Variants in GNG2 observed in about 807,000 individuals in gnomAD.
The protein encoded by GNG2 is G protein subunit gamma 2.
GNG2 carries 5 observed loss-of-function variants against 5.5 expected under a neutral mutation model. The ratio of observed to expected loss-of-function variants is 0.91; its 90% confidence interval spans 0.48 to 1.92. The LOEUF is 1.92. Among genes scored for constraint, GNG2 ranks in the 30% most tolerant of loss-of-function variants. The pLI, the probability that GNG2 is intolerant of heterozygous loss-of-function variation, is 0.01. For synonymous variants in GNG2, 28 were observed against 32.0 expected (o/e 0.88, Z 0.42); for missense variants, 55 against 88.4 (o/e 0.62, Z 1.52).
At chr14:51,866,775 G>A (rs893694980) in intron 1 of GNG2, among the ~76,000 whole-genome samples, 5 of 152,154 alleles carry the variant, frequency 3.3e-5, no homozygotes, top group Non-Finnish European at 5.9e-5. Flanking sequence ...CTCCAAAGGT[G>A]GCCTCATGTC....
At chr14:51,879,698 A>G (rs1883914765) in intron 2 of GNG2, among the ~76,000 whole-genome samples, 4 of 152,190 alleles carry the variant, frequency 2.6e-5, no homozygotes, top group Admixed American at 2.6e-4. Flanking sequence ...TCTTTCTACC[A>G]TAGTCCCATC....
At chr14:51,896,216 G>C (rs1190145267) in intron 2 of GNG2, among the ~76,000 whole-genome samples, 28 of 152,184 alleles carry the variant, frequency 1.8e-4, no homozygotes, top group Admixed American at 1.8e-3. Context: ...ACCCGTTGCA[G>C]AATAAAATTG....
chr14:51,916,334 T>C (rs1021902666), intron 2 of GNG2: 19 of 364,950 alleles, frequency 5.2e-5, no homozygotes, highest in African/African-American at 3.9e-4. Flanking sequence ...ATTTGCCCCG[T>C]AGAGATAAAT....
chr14:51,911,158 C>T (rs761902698), intron 2 of GNG2, among the ~76,000 whole-genome samples: 4 of 152,128 alleles, frequency 2.6e-5, no homozygotes, highest in African/African-American at 7.2e-5. Context: ...TACCATTGGT[C>T]GGCTTTGGCA....
At chr14:51,855,444 T>A (rs1882112563), upstream of GNG2, among the ~76,000 whole-genome samples, 1 of 152,242 alleles carries the variant, frequency 6.6e-6, no homozygotes, top group Admixed American at 6.5e-5. Flanking sequence ...CTCAGATGTC[T>A]GGAGGGAGAG....
At chr14:51,922,967 G>T (rs1171198944) in intron 2 of GNG2, among the ~76,000 whole-genome samples, 1 of 152,182 alleles carries the variant, frequency 6.6e-6, no homozygotes, top group Non-Finnish European at 1.5e-5. Context: ...GCAGCCCCAG[G>T]AGCTCTGTCT....
chr14:51,837,692 C>A (rs1044635178), intron 2 of GNG2, among the ~76,000 whole-genome samples: 3 of 150,302 alleles, frequency 2.0e-5, no homozygotes, highest in African/African-American at 7.3e-5. Flanking sequence ...AAAGGGAGCA[C>A]AAGTCAAAGG....
intron 1 of GNG2, among the ~76,000 whole-genome samples, chr14:51,872,507 G>A (rs1883375146): frequency 6.6e-6 from 1 of 152,164 alleles, no homozygotes; most frequent in African/African-American, 2.4e-5. Context: ...GGAGTCCACT[G>A]TGATGCCGAT....
chr14:51,902,041 A>G (rs919837588), intron 2 of GNG2, among the ~76,000 whole-genome samples: 6 of 151,432 alleles, frequency 4.0e-5, no homozygotes, highest in Non-Finnish European at 8.8e-5. Flanking sequence ...TATTTTCTCC[A>G]TAATGTAGCA....
chr14:51,913,757 T>G (rs574434366), intron 2 of GNG2, among the ~76,000 whole-genome samples: 1 of 152,144 alleles, frequency 6.6e-6, no homozygotes, highest in Non-Finnish European at 1.5e-5. Context: ...AAACTAGAAG[T>G]TACTGTGGGA....
At chr14:51,949,892 T>C (rs8009405) in intron 2 of GNG2, among the ~76,000 whole-genome samples, 55,607 of 151,858 alleles carry the variant, frequency 0.37, 10,439 homozygotes, top group Middle Eastern at 0.44. Context: ...GGAGCACACA[T>C]GGAGAAAGAG....
At chr14:51,870,904 A>G (rs1883252463) in intron 1 of GNG2, among the ~76,000 whole-genome samples, 3 of 152,238 alleles carry the variant, frequency 2.0e-5, no homozygotes, top group South Asian at 2.1e-4. Flanking sequence ...GTGCATGTTC[A>G]TCATAACAGA....
At chr14:51,885,978 A>G (rs932464630) in intron 2 of GNG2, among the ~76,000 whole-genome samples, 5 of 152,220 alleles carry the variant, frequency 3.3e-5, no homozygotes, top group Non-Finnish European at 5.9e-5. Context: ...TTCACTATAT[A>G]TGATAATACC....
chr14:51,956,668 C>T (rs575174828), intron 3 of GNG2, among the ~76,000 whole-genome samples: 23 of 152,236 alleles, frequency 1.5e-4, no homozygotes, highest in African/African-American at 3.4e-4. Context: ...TCCATTAATG[C>T]GGGCAACCCA....
intron 1 of GNG2, among the ~76,000 whole-genome samples, chr14:51,863,559 ATTTT>A (rs748023254): frequency 6.6e-6 from 1 of 152,102 alleles, no homozygotes; most frequent in Non-Finnish European, 1.5e-5. Flanking sequence ...CATTTTAACT[ATTTT>A]TTTAAGTATG....
chr14:51,857,067 A>G (rs971915879), upstream of GNG2, among the ~76,000 whole-genome samples: 2 of 152,182 alleles, frequency 1.3e-5, no homozygotes, highest in African/African-American at 2.4e-5. Flanking sequence ...GCAAATGTGG[A>G]CCTAACCTTA....
At chr14:51,869,188 A>T (rs1883135662) in intron 1 of GNG2, among the ~76,000 whole-genome samples, 1 of 152,244 alleles carries the variant, frequency 6.6e-6, no homozygotes, top group Non-Finnish European at 1.5e-5. Flanking sequence ...TGGATACTTT[A>T]GCTAGTTTTA....
At chr14:51,829,845 C>T (rs4901160) in intron 2 of GNG2, among the ~76,000 whole-genome samples, 44,480 of 137,744 alleles carry the variant, frequency 0.32, 7,983 homozygotes, top group Non-Finnish European at 0.4. Flanking sequence ...CCTACTTCTT[C>T]TTTTTTTTTT....
intron 2 of GNG2, among the ~76,000 whole-genome samples, chr14:51,944,211 C>CA (rs60662825): frequency 0.082 from 12,264 of 149,480 alleles, 914 homozygotes; most frequent in East Asian, 0.29. Flanking sequence ...GGGCTGCTAT[C>CA]AAAAAAAAAA....
Sources: gnomAD v4.1 joint callset for allele counts (sites outside exome capture counted in the v4.1 genomes callset) on GRCh38, gnomAD v4.1.1 for gene constraint, MANE v1.5 for transcripts, NCBI Gene and HGNC (gene_info 2026-07-23, HGNC 2026-07-21) for gene names.